ASPDH: variants seen among roughly 807,000 people sequenced by gnomAD.
The protein encoded by ASPDH is aspartate dehydrogenase domain containing.
Under a neutral mutation model 30.5 loss-of-function variants are expected in ASPDH, and 25 were observed. The ratio of observed to expected loss-of-function variants is 0.82; its 90% CI spans 0.60 to 1.14. ASPDH has a LOEUF of 1.14. Ranked by LOEUF, ASPDH falls within the 50% of genes most tolerant of loss-of-function variation. ASPDH has a pLI of 0.00. For synonymous variants in ASPDH, 168 were observed against 156.3 expected (o/e 1.07, Z -0.56); for missense variants, 401 against 381.5 (o/e 1.05, Z -0.43).
rs150431672 is a variant in ASPDH, at chr19:50,511,752, C to T, written c.830G>A (p.Arg277Lys). ...SLLACCQLPS[R>K]PGIHLC ...TTCTCAGCAGAGATGGATCCCCGGC[C>T]TGGAGGGGAGCTGGCAGCAGGCTGC... Residue 277 changes from arginine (R) to lysine (K), a missense_variant, in exon 7 of 7, where the codon AGG becomes AAG. Transcript: ENST00000389208. The T allele has an allele frequency of 1.5e-6, 2 of 1,313,486 alleles. No individual in the cohort carries two copies. Among genetic ancestry groups the T allele is most frequent in the Non-Finnish European group, 1.9e-6 (2 of 1,025,688 alleles). The allele number at this position is 1,313,486 out of a possible 1,614,324, so 81.4% of individuals were successfully genotyped here.
At chr19:50,514,475 C>G, upstream of ASPDH, 2 of 1,614,168 alleles carry the variant, frequency 1.2e-6, no homozygotes, top group East Asian at 4.5e-5. Context: ...TCCTTCAGTT[C>G]ACCTTGACTT....
intron 6 of ASPDH, 93 bp from the exon 7 acceptor site, chr19:50,511,866 G>A: frequency 1.2e-6 from 1 of 861,996 alleles, no homozygotes; most frequent in Non-Finnish European, 1.7e-6. Context: ...GGACAGGGCA[G>A]GGGGGCGGTG....
Position 50,512,547 on chromosome 19 carries a change from C to CATCG in ASPDH, c.462_465dup (p.Gly156ArgfsTer6), listed in dbSNP as rs752934808. 18 of 1,536,952 alleles carry CATCG rather than the reference C, an allele frequency of 1.2e-5. No individual in the cohort carries two copies. The Admixed American group carries it at 3.7e-4, about 31-fold the overall frequency. On this transcript the variant is annotated frameshift_variant, in exon 5 of 7. Coordinates refer to ENST00000389208, the MANE Select transcript of ASPDH (RefSeq NM_001114598.2). LOFTEE classifies it high-confidence loss of function. The stretch of plus-strand genomic sequence containing the variant: ...GCCAGGGGTCCCTCAAGCCGGAAGC[C>CATCG]ATCGGGGTGTGTGGCCATGGTGACA...
At position 50,512,795 on chromosome 19, in the gene ASPDH, C is replaced by A; in HGVS notation, c.298G>T (p.Ala100Ser). 6.3e-7 allele frequency: 1 copy of A among 1,591,166 alleles called. No individual in the cohort carries two copies. Among genetic ancestry groups the A allele is most frequent in the Non-Finnish European group, 8.6e-7 (1 of 1,168,840 alleles). Residue 100 changes from alanine to serine, a missense_variant, in exon 4 of 7, where the codon GCT (alanine) becomes TCT (serine). Coordinates refer to ENST00000389208, the MANE Select transcript of ASPDH (RefSeq NM_001114598.2). ...HANLLVGSPS[A>S]LSDQTTERQL... Reference sequence around the variant, plus strand: ...CGCTCTGTGGTCTGGTCACTTAGAGCTGAGGGGGACCCCACCTGGGGTGGA... The same window carrying A: ...CGCTCTGTGGTCTGGTCACTTAGAGATGAGGGGGACCCCACCTGGGGTGGA...
At chr19:50,514,371 C>T (rs967756254), upstream of ASPDH, 1 of 1,499,922 alleles carries the variant, frequency 6.7e-7, no homozygotes, top group Non-Finnish European at 9.2e-7. Context: ...GTGCCCTTGC[C>T]TCAGCGGGTC....
At chr19:50,513,957 C>G, upstream of ASPDH, 1 of 1,185,480 alleles carries the variant, frequency 8.4e-7, no homozygotes. This position sits in a 1 kb window ranked among gnomAD's most constrained non-coding sequence, Gnocchi z 4.9. Flanking sequence ...TCCCCGCAGG[C>G]CCAGCGTGGG....
At position 50,512,363 on chromosome 19, in the gene ASPDH, G is replaced by A. The variant is rs754707386; in HGVS notation, c.650C>T (p.Thr217Ile). ...DGVIGVLVADTSLTDMHVVDV... is the reference protein window; with the variant it reads ...DGVIGVLVADISLTDMHVVDV... ...CACCCTGCTTAGCTCTGCTCACCTG[G>A]TATCAGCCACGAGCACCCCAATCAC... Residue 217 changes from threonine (T) to isoleucine (I), a missense_variant, in exon 5 of 7, where the codon ACC becomes ATC. Coordinates refer to ENST00000389208, the MANE Select transcript of ASPDH (RefSeq NM_001114598.2). The A allele has an allele frequency of 6.2e-7, 1 of 1,613,918 alleles. No individual in the cohort carries two copies. The highest frequency in any genetic ancestry group is 8.5e-7 in the Non-Finnish European group (1 of 1,179,970).
At position 50,511,778 on chromosome 19, in the gene ASPDH, G is replaced by A. The variant is rs1979897935; in HGVS notation, c.809-5C>T. The A allele has an allele frequency of 1.5e-6, 2 of 1,316,970 alleles. No individual in the cohort carries two copies. The highest frequency in any genetic ancestry group is 1.9e-6 in the Non-Finnish European group (2 of 1,027,928). The allele number at this position is 1,316,970 out of a possible 1,614,324, so 81.6% of individuals were successfully genotyped here. On this transcript the variant is annotated splice_region_variant and splice_polypyrimidine_tract_variant and intron_variant, in intron 6 of 6. Transcript: ENST00000389208. The stretch of plus-strand genomic sequence containing the variant: ...TGGAGGGGAGCTGGCAGCAGGCTGC[G>A]GGGAGAGGGGAATGAGCGAATGAGA...
chr19:50,513,916 C>A (rs1308200339), upstream of ASPDH: 1 of 1,446,786 alleles, frequency 6.9e-7, no homozygotes, highest in Non-Finnish European at 9.2e-7. The surrounding 1 kb of genome is among the most constrained non-coding windows in gnomAD (Gnocchi z 4.9). Context: ...GGACATCTGA[C>A]CCTTGAGCCT....
intron 6 of ASPDH, 134 bp from the exon 7 acceptor site, chr19:50,511,907 C>T (rs1477269479): frequency 8.4e-6 from 6 of 718,264 alleles, no homozygotes; most frequent in Non-Finnish European, 1.3e-5. Context: ...GGGACAGAGC[C>T]CTGGGGGTGG....
At position 50,513,072 on chromosome 19, in the gene ASPDH, G is replaced by A. The variant is rs1256557728; in HGVS notation, c.198-61C>T. On this transcript the variant is annotated intron_variant, in intron 2 of 6. Coordinates refer to ENST00000389208, the MANE Select transcript of ASPDH (RefSeq NM_001114598.2). The surrounding 1 kb of genome is among the most constrained non-coding windows in gnomAD (Gnocchi z 4.9). ...AGGTATTAGGCCTCTTCTCCCCAAG[G>A]TTCCCTCCGAGTCTACTGAGGGCTG... 18 of 1,449,974 alleles carry A rather than the reference G, an allele frequency of 1.2e-5. No homozygotes were observed. Among genetic ancestry groups the A allele is most frequent in the Non-Finnish European group, 1.6e-5 (17 of 1,055,868 alleles). The allele number at this position is 1,449,974 out of a possible 1,614,324, so 89.8% of individuals were successfully genotyped here.
In ASPDH at chr19:50,512,983, G is replaced by A. The variant is rs753277957; in HGVS notation, c.226C>T (p.His76Tyr). Residue 76 changes from histidine (H) to tyrosine (Y), a missense_variant, in exon 3 of 7, where the codon CAT (histidine) becomes TAT (tyrosine). Transcript: ENST00000389208. The part of the protein sequence containing the change: ...RRPDLVVEVA[H>Y]PKIIHESGAQ... ...CCAGATTCATGGATTATTTTGGGAT[G>A]GGCCACTTCCACAACCAGATCAGGG... 5.6e-6 allele frequency: 9 copies of A among 1,613,678 alleles called. No individual in the cohort carries two copies. In the East Asian group the frequency reaches 2.0e-4, roughly 36 times the overall value.
In ASPDH at chr19:50,512,373, C is replaced by G. The variant is rs61743492; in HGVS notation, c.640G>C (p.Val214Leu). Residue 214 changes from valine (V) to leucine (L), a missense_variant, in exon 5 of 7, where the codon GTG (valine) becomes CTG (leucine). Coordinates refer to ENST00000389208, the MANE Select transcript of ASPDH (RefSeq NM_001114598.2). ...AGCTCTGCTCACCTGGTATCAGCCA[C>G]GAGCACCCCAATCACCCCATCGAAG... ...LGFDGVIGVL[V>L]ADTSLTDMHV... The G allele has an allele frequency of 2.5e-6, 4 of 1,613,906 alleles. No homozygotes were observed. Among genetic ancestry groups the G allele is most frequent in the Non-Finnish European group, 3.4e-6 (4 of 1,179,974 alleles).
chr19:50,512,828 G>T lies in ASPDH; in HGVS notation c.283-18C>A. 6.2e-6 allele frequency: 10 copies of T among 1,602,084 alleles called. No homozygotes were observed. The highest frequency in any genetic ancestry group is 7.7e-6 in the Non-Finnish European group (9 of 1,173,636). On this transcript the variant is annotated intron_variant, in intron 3 of 6. Transcript: ENST00000389208. ...GACCCCACCTGGGGTGGATGAAGGAGGGGAGGGTTGAGGTCAGGGAAGGAT... is the reference window on the plus strand; with the variant it reads ...GACCCCACCTGGGGTGGATGAAGGATGGGAGGGTTGAGGTCAGGGAAGGAT...
rs1017936937 is a variant in ASPDH, at chr19:50,513,772, C to T, written c.52G>A (p.Gly18Arg). ...RVGVVGYGRLGQSLVSRLLAQ... is the reference protein window; with the variant it reads ...RVGVVGYGRLRQSLVSRLLAQ... ...AGGCCAAGGATGGTCAGGGACTCAC[C>T]GAGGCGGCCATAGCCCACCACGCCC... is the stretch of plus-strand genomic sequence containing the variant. The change falls in exon 1 of 7, where the codon GGA becomes AGA. Residue 18 changes from glycine (G) to arginine (R), a missense_variant and splice_region_variant. Coordinates refer to ENST00000389208, the MANE Select transcript of ASPDH (RefSeq NM_001114598.2). The surrounding 1 kb of genome is among the most constrained non-coding windows in gnomAD (Gnocchi z 4.9). The T allele has an allele frequency of 7.7e-6, 12 of 1,548,540 alleles. No individual in the cohort carries two copies. Among genetic ancestry groups the T allele is most frequent in the Middle Eastern group, 1.7e-4 (1 of 5,904 alleles).
Position 50,513,559 on chromosome 19 carries a change from C to T in ASPDH, c.53-143G>A, listed in dbSNP as rs1980092476. ...CGGGGTAGGGAGACAGAGATGGGGG[C>T]AGGGCAGAGACACAGTGGGGTGGAC... On this transcript the variant is annotated intron_variant, in intron 1 of 6. Coordinates refer to ENST00000389208, the MANE Select transcript of ASPDH (RefSeq NM_001114598.2). The surrounding 1 kb of genome is among the most constrained non-coding windows in gnomAD (Gnocchi z 4.9). 1.1e-6 allele frequency: 1 copy of T among 893,250 alleles called. No homozygotes were observed. The highest frequency in any genetic ancestry group is 1.7e-6 in the Non-Finnish European group (1 of 595,004). 55.3% of individuals were successfully genotyped at this position (893,250 alleles called of 1,614,324 possible). A position where few individuals can be genotyped will look rare whatever the true frequency, so the allele number is the denominator to read the frequency against.
In ASPDH at chr19:50,513,859, G is replaced by GGCTGCTC. The variant is rs771154423; in HGVS notation, c.-43_-37dup. Reference sequence around the variant, plus strand: ...GCGGTGTCTGGGGCCTGGCTCCCTGGGCTGCTCGCTGCCCGCTGCACAAGG... The same window carrying GGCTGCTC: ...GCGGTGTCTGGGGCCTGGCTCCCTGGGCTGCTCGCTGCTCGCTGCCCGCTGCACAAGG... On this transcript the variant is annotated 5_prime_UTR_variant, in exon 1 of 7. Coordinates refer to ENST00000389208, the MANE Select transcript of ASPDH (RefSeq NM_001114598.2). This position sits in a 1 kb window ranked among gnomAD's most constrained non-coding sequence, Gnocchi z 4.9. 1 of 1,544,376 alleles carries GGCTGCTC rather than the reference G, an allele frequency of 6.5e-7. No individual in the cohort carries two copies. Among genetic ancestry groups the GGCTGCTC allele is most frequent in the South Asian group, 1.2e-5 (1 of 83,396 alleles).
At chr19:50,514,800 T>TG (rs1980161551), upstream of ASPDH, 8 of 325,238 alleles carry the variant, frequency 2.5e-5, no homozygotes, top group Middle Eastern at 1.2e-3. Flanking sequence ...AACGGGAGCA[T>TG]GGGGTGGGGG....
chr19:50,513,752 A>C lies in ASPDH; in HGVS notation c.52+20T>G. The C allele has an allele frequency of 6.6e-7, 1 of 1,523,998 alleles. No homozygotes were observed. The highest frequency in any genetic ancestry group is 2.5e-5 in the East Asian group (1 of 40,778). The allele number at this position is 1,523,998 out of a possible 1,614,324, so 94.4% of individuals were successfully genotyped here. ...AGGAAGGGGTTTGGGGAAGGAGGCC[A>C]AGGATGGTCAGGGACTCACCGAGGC... On this transcript the variant is annotated intron_variant, in intron 1 of 6. Transcript: ENST00000389208. The surrounding 1 kb of genome is among the most constrained non-coding windows in gnomAD (Gnocchi z 4.9).
Sources: allele counts gnomAD v4.1 joint callset, GRCh38; gene constraint gnomAD v4.1.1; non-coding constraint Gnocchi (gnomAD v3.1); transcripts MANE v1.5; gene names NCBI Gene and HGNC (gene_info 2026-07-23, HGNC 2026-07-21).